Variants in PDE1A observed in about 807,000 individuals in gnomAD.
PDE1A encodes the protein dual specificity calcium/calmodulin-dependent 3',5'-cyclic nucleotide phosphodiesterase 1A.
Under a neutral mutation model 61.7 loss-of-function variants are expected in PDE1A, and 35 were observed. The observed-to-expected ratio is 0.57, with a 90% CI of 0.43 to 0.75. The LOEUF is 0.75. PDE1A is among the 30% of genes least tolerant of loss of function. The pLI, the probability that PDE1A is intolerant of heterozygous loss-of-function variation, is 0.00. For missense variants in PDE1A, 597 were observed against 630.6 expected, an observed-to-expected ratio of 0.95 and a Z score of 0.57; for synonymous variants, 232 against 213.2, an observed-to-expected ratio of 1.09 and a Z score of -0.77.
At chr2:182,156,760 A>C (rs929467505) in intron 13 of PDE1A, among the ~76,000 whole-genome samples, 2 of 152,138 alleles carry the variant, frequency 1.3e-5, no homozygotes, top group Non-Finnish European at 2.9e-5. Context: ...TCCAGCAGCA[A>C]GGCCTGCACA....
chr2:182,663,485 T>C, the PDE1A span, among the ~76,000 whole-genome samples: 1 of 152,178 alleles, frequency 6.6e-6, no homozygotes, highest in Non-Finnish European at 1.5e-5. Context: ...CAGAATACTA[T>C]GCAGTCATAA....
At chr2:182,526,009 C>T (rs1409707346), upstream of PDE1A, among the ~76,000 whole-genome samples, 1 of 151,870 alleles carries the variant, frequency 6.6e-6, no homozygotes, top group Non-Finnish European at 1.5e-5. Context: ...TGAAGAAGGG[C>T]TAGGAAGAAA....
At chr2:182,278,270 T>G (rs1043411632) in intron 1 of PDE1A, among the ~76,000 whole-genome samples, 4 of 152,044 alleles carry the variant, frequency 2.6e-5, no homozygotes, top group Non-Finnish European at 5.9e-5. Context: ...GAGTTGAGTC[T>G]TCTAATTTCA....
rs1270508110 is a variant in PDE1A, at chr2:182,458,513, A to G, written c.101+63763T>C. Among the ~76,000 whole-genome samples the G allele has an allele frequency of 3.9e-5, 6 of 152,054 alleles. No individual in the cohort carries two copies. In the East Asian group the frequency reaches 1.2e-3, roughly 29 times the overall value. ...AACAGGCTATGTGAGGGGGATATAG[A>G]GTGACCAGAGTGATATTTTATAGCT... is the stretch of plus-strand genomic sequence containing the variant. On this transcript the variant is annotated intron_variant, in intron 2 of 14. Transcript: ENST00000410103.
intron 2 of PDE1A, among the ~76,000 whole-genome samples, chr2:182,488,775 T>C (rs1688187920): frequency 6.6e-6 from 1 of 152,198 alleles, no homozygotes; most frequent in Non-Finnish European, 1.5e-5. Flanking sequence ...AAACTTGCCC[T>C]TACAGAAATT....
intron 13 of PDE1A, among the ~76,000 whole-genome samples, chr2:182,180,056 G>T (rs1432007707): frequency 6.6e-6 from 1 of 152,090 alleles, no homozygotes; most frequent in African/African-American, 2.4e-5. Context: ...CAATGCAATT[G>T]TAATAAAGAA....
intron 1 of PDE1A, among the ~76,000 whole-genome samples, chr2:182,374,308 C>T (rs1700275446): frequency 6.6e-6 from 1 of 152,018 alleles, no homozygotes; most frequent in Admixed American, 6.6e-5. Flanking sequence ...CCCCACCTCA[C>T]ACCATAGATA....
chr2:182,335,983 T>C (rs1192928674), intron 1 of PDE1A, among the ~76,000 whole-genome samples: 2 of 152,138 alleles, frequency 1.3e-5, no homozygotes, highest in African/African-American at 2.4e-5. Flanking sequence ...TTATCAAAAG[T>C]AGACATTTAT....
At chr2:182,272,373 T>C (rs191885313) in intron 1 of PDE1A, among the ~76,000 whole-genome samples, 2 of 152,298 alleles carry the variant, frequency 1.3e-5, no homozygotes, top group Admixed American at 6.5e-5. Context: ...AAACTGCATA[T>C]TTTCATTTTT....
chr2:182,524,231 C>G (rs2125995120), upstream of PDE1A, among the ~76,000 whole-genome samples: 1 of 152,266 alleles, frequency 6.6e-6, no homozygotes, highest in Non-Finnish European at 1.5e-5. Context: ...CAACAAACAT[C>G]TATGTTCTGC....
intron 1 of PDE1A, among the ~76,000 whole-genome samples, chr2:182,411,225 T>C (rs1424370043): frequency 6.6e-6 from 1 of 152,232 alleles, no homozygotes; most frequent in African/African-American, 2.4e-5. Flanking sequence ...CTTTTTACTA[T>C]ATTAGTGTTG....
At chr2:182,162,271 CA>C (rs1208281563) in intron 13 of PDE1A, among the ~76,000 whole-genome samples, 1 of 152,126 alleles carries the variant, frequency 6.6e-6, no homozygotes, top group Non-Finnish European at 1.5e-5. Flanking sequence ...ACTCAAATGT[CA>C]AAGGCAAGGT....
At chr2:182,397,484 G>A (rs903714966) in intron 1 of PDE1A, among the ~76,000 whole-genome samples, 4 of 151,870 alleles carry the variant, frequency 2.6e-5, no homozygotes, top group African/African-American at 7.3e-5. Context: ...TTCAATTAAC[G>A]CTTTCCCTGA....
the PDE1A span, among the ~76,000 whole-genome samples, chr2:182,548,476 A>T: frequency 1.3e-5 from 2 of 152,202 alleles, no homozygotes; most frequent in African/African-American, 4.8e-5. Context: ...TCTGTGCCTG[A>T]CAACTGCTCT....
intron 2 of PDE1A, among the ~76,000 whole-genome samples, chr2:182,450,306 G>A (rs913996578): frequency 6.6e-6 from 1 of 152,022 alleles, no homozygotes; most frequent in African/African-American, 2.4e-5. Context: ...ATGGACAAAG[G>A]AAAAGAATGG....
chr2:182,223,765 T>C (rs1454959567), intron 7 of PDE1A, 99 bp downstream of exon 7: 3 of 669,194 alleles, frequency 4.5e-6, no homozygotes, highest in Non-Finnish European at 2.5e-6. Context: ...CCTGTTCTTA[T>C]TAGAATCTTT....
the PDE1A span, among the ~76,000 whole-genome samples, chr2:182,577,195 T>C: frequency 6.6e-6 from 1 of 152,214 alleles, no homozygotes; most frequent in Non-Finnish European, 1.5e-5. Flanking sequence ...GCTTAGAATA[T>C]AATTAACTTG....
the PDE1A span, among the ~76,000 whole-genome samples, chr2:182,606,435 C>T: frequency 6.6e-6 from 1 of 152,210 alleles, no homozygotes; most frequent in East Asian, 1.9e-4. Flanking sequence ...GCCCTGGCCT[C>T]CCAAAGTGCT....
chr2:182,289,813 T>C (rs1559300041), intron 1 of PDE1A, among the ~76,000 whole-genome samples: 1 of 152,046 alleles, frequency 6.6e-6, no homozygotes, highest in East Asian at 1.9e-4. Flanking sequence ...TTTGATGTTT[T>C]AAATCAATGT....
Sources: allele counts gnomAD v4.1 joint callset (sites outside exome capture counted in the v4.1 genomes callset), GRCh38; gene constraint gnomAD v4.1.1; transcripts MANE v1.5; gene names NCBI Gene and HGNC (gene_info 2026-07-23, HGNC 2026-07-21).